GRIP1: variants seen among roughly 807,000 people sequenced by gnomAD.
The protein encoded by GRIP1 is glutamate receptor interacting protein 1, also known as glutamate receptor-interacting protein 1.
A neutral mutation model predicts 129.9 loss-of-function variants in GRIP1; 45 were observed. The ratio of observed to expected loss-of-function variants is 0.35; its 90% CI spans 0.27 to 0.44. GRIP1 has a LOEUF of 0.44. Among genes scored for constraint, GRIP1 ranks in the 20% least tolerant of loss-of-function variants. The pLI, the probability that GRIP1 is intolerant of heterozygous loss-of-function variation, is 1.00. For missense variants in GRIP1, 1,196 were observed against 1,396.8 expected, an observed-to-expected ratio of 0.86 and a Z score of 2.29; for synonymous variants, 530 against 520.8, an observed-to-expected ratio of 1.02 and a Z score of -0.24.
intron 1 of GRIP1, among the ~76,000 whole-genome samples, chr12:66,851,269 C>T (rs1356370908): frequency 1.3e-4 from 20 of 151,798 alleles, no homozygotes. Context: ...ACCTCCTACA[C>T]AGGACATCTG....
At chr12:66,566,389 G>A (rs1362605523) in intron 2 of GRIP1, among the ~76,000 whole-genome samples, 2 of 152,156 alleles carry the variant, frequency 1.3e-5, no homozygotes, top group Admixed American at 6.5e-5. Flanking sequence ...TGTGGTTTTT[G>A]TCTTTGGTTC....
intron 1 of GRIP1, among the ~76,000 whole-genome samples, chr12:66,970,610 C>A (rs1213941717): frequency 8.1e-6 from 1 of 123,740 alleles, no homozygotes; most frequent in Non-Finnish European, 1.7e-5. Context: ...CCTTGGCCAG[C>A]CAGTGTCTGT....
intron 5 of GRIP1, among the ~76,000 whole-genome samples, chr12:66,527,402 C>T (rs1293332718): frequency 6.6e-6 from 1 of 152,040 alleles, no homozygotes; most frequent in South Asian, 2.1e-4. Flanking sequence ...TGGAAACCAT[C>T]ATTCTCAGCA....
At chr12:66,531,282 T>A (rs1224742773) in intron 4 of GRIP1, among the ~76,000 whole-genome samples, 4 of 24,060 alleles carry the variant, frequency 1.7e-4, no homozygotes, top group Non-Finnish European at 2.0e-4. Flanking sequence ...TATATATATA[T>A]ATATATATAT....
intron 11 of GRIP1, among the ~76,000 whole-genome samples, chr12:66,447,136 T>C (rs2058652505): frequency 6.6e-6 from 1 of 152,202 alleles, no homozygotes; most frequent in South Asian, 2.1e-4. Flanking sequence ...ATCTGGTAAG[T>C]GCAGGTGGAA....
At chr12:66,642,347 G>A (rs1028679847) in intron 1 of GRIP1, among the ~76,000 whole-genome samples, 1 of 152,156 alleles carries the variant, frequency 6.6e-6, no homozygotes, top group South Asian at 2.1e-4. Context: ...TGTGCCTGGT[G>A]CAGTCCATGG....
At chr12:66,426,631 T>C (rs1454252950) in intron 14 of GRIP1, among the ~76,000 whole-genome samples, 1 of 152,172 alleles carries the variant, frequency 6.6e-6, no homozygotes, top group East Asian at 1.9e-4. Flanking sequence ...TCCTCAAGTG[T>C]CCATTTTTCT....
chr12:66,849,130 C>T lies in GRIP1; in HGVS notation c.58+219920G>A, dbSNP rs78657200. On this transcript the variant is annotated intron_variant, in intron 1 of 1. Coordinates refer to the GRIP1 transcript ENST00000643019. ...ACAAAAATCTGAACTCTTTCTGCAG[C>T]ACCTCTTCTCCCTGGCATGAGCTTT... Among the ~76,000 whole-genome samples, 205 of 152,230 alleles carry T rather than the reference C, an allele frequency of 1.3e-3. 2 individuals carry two copies. The highest frequency in any genetic ancestry group is 4.7e-3 in the African/African-American group (197 of 41,548).
chr12:66,694,780 T>C (rs1167982455), intron 1 of GRIP1, among the ~76,000 whole-genome samples: 1 of 152,216 alleles, frequency 6.6e-6, no homozygotes, highest in African/African-American at 2.4e-5. Context: ...AAGTCATTAC[T>C]ATTCCTGAGA....
chr12:66,692,292 TC>T, intron 1 of GRIP1, among the ~76,000 whole-genome samples: 1 of 152,328 alleles, frequency 6.6e-6, no homozygotes, highest in African/African-American at 2.4e-5. Flanking sequence ...TTTCAGGAGT[TC>T]CAATTGTGTA....
intron 19 of GRIP1, among the ~76,000 whole-genome samples, chr12:66,390,197 G>A (rs941969346): frequency 6.6e-6 from 1 of 152,168 alleles, no homozygotes; most frequent in African/African-American, 2.4e-5. Context: ...GGCACCAAGG[G>A]CTGCACTGGA....
chr12:66,669,569 A>G (rs1158113242), intron 1 of GRIP1, among the ~76,000 whole-genome samples: 6 of 152,232 alleles, frequency 3.9e-5, no homozygotes, highest in Non-Finnish European at 8.8e-5. Flanking sequence ...AAGAATTATC[A>G]TCAAATGTAG....
At chr12:66,364,029 G>A (rs2054971557) in intron 23 of GRIP1, among the ~76,000 whole-genome samples, 1 of 151,970 alleles carries the variant, frequency 6.6e-6, no homozygotes, top group East Asian at 1.9e-4. Flanking sequence ...AAGGAAGGTG[G>A]ATCATGAGGT....
intron 2 of GRIP1, among the ~76,000 whole-genome samples, chr12:66,584,774 C>G (rs2063549576): frequency 1.3e-5 from 2 of 152,070 alleles, no homozygotes; most frequent in African/African-American, 4.8e-5. Context: ...GGGTAATACT[C>G]TGACAGTGTC....
intron 20 of GRIP1, 83 bp downstream of exon 20, chr12:66,379,197 C>T: frequency 1.5e-6 from 2 of 1,313,882 alleles, no homozygotes; most frequent in Middle Eastern, 2.5e-4. Context: ...ACAATATGTG[C>T]TACTGGAAGT....
chr12:66,774,033 A>C (rs1416899420), intron 1 of GRIP1, among the ~76,000 whole-genome samples: 1 of 152,192 alleles, frequency 6.6e-6, no homozygotes, highest in Non-Finnish European at 1.5e-5. Context: ...AGTTAAAAAA[A>C]AAAAGTATCA....
intron 1 of GRIP1, among the ~76,000 whole-genome samples, chr12:66,959,184 T>C (rs2041887176): frequency 6.6e-6 from 1 of 152,198 alleles, no homozygotes; most frequent in Non-Finnish European, 1.5e-5. Context: ...TATTTAACCA[T>C]CTTTCTCCAA....
intron 1 of GRIP1, among the ~76,000 whole-genome samples, chr12:67,049,900 AAAT>A (rs2135845299): frequency 6.7e-6 from 1 of 148,202 alleles, no homozygotes; most frequent in East Asian, 2.0e-4. Context: ...TCAAATTAAT[AAAT>A]AATTGGTAAA....
At chr12:66,718,948 T>C (rs2035976301) in intron 1 of GRIP1, among the ~76,000 whole-genome samples, 1 of 152,134 alleles carries the variant, frequency 6.6e-6, no homozygotes, top group Non-Finnish European at 1.5e-5. Flanking sequence ...TTTTTGTTCT[T>C]TTCTCATAGA....
Sources: gnomAD v4.1 joint callset for allele counts (sites outside exome capture counted in the v4.1 genomes callset) on GRCh38, gnomAD v4.1.1 for gene constraint, MANE v1.5 for transcripts, NCBI Gene and HGNC (gene_info 2026-07-23, HGNC 2026-07-21) for gene names.